The following LOC400499 variants were observed in gnomAD, a reference collection of about 807,000 sequenced individuals.
the LOC400499 span, chr16:11,387,294 TC>T: frequency 8.1e-7 from 1 of 1,232,206 alleles, no homozygotes; most frequent in Non-Finnish European, 1.0e-6. Context: ...ACTGAGCGGT[TC>T]CTGCAGGGAA....
At chr16:11,375,533 G>A in the LOC400499 span, among the ~76,000 whole-genome samples, 8 of 146,692 alleles carry the variant, frequency 5.5e-5, no homozygotes, top group Non-Finnish European at 9.0e-5. Flanking sequence ...GGCTGGTCTC[G>A]AACTCCTGAC....
the LOC400499 span, among the ~76,000 whole-genome samples, chr16:11,515,139 C>T: frequency 6.6e-6 from 1 of 152,084 alleles, no homozygotes; most frequent in Non-Finnish European, 1.5e-5. Context: ...GACATTATCT[C>T]TACTAAAATT....
At chr16:11,496,645 T>G in the LOC400499 span, among the ~76,000 whole-genome samples, 1 of 152,198 alleles carries the variant, frequency 6.6e-6, no homozygotes, top group Non-Finnish European at 1.5e-5. Context: ...ATTGGATGTG[T>G]GCATGTGCCC....
chr16:11,385,899 C>T, the LOC400499 span, among the ~76,000 whole-genome samples: 9 of 152,260 alleles, frequency 5.9e-5, no homozygotes, highest in South Asian at 4.1e-4. Context: ...CGGCCAGGCA[C>T]GGCGGCGCTA....
the LOC400499 span, among the ~76,000 whole-genome samples, chr16:11,438,529 G>A: frequency 6.6e-6 from 1 of 151,064 alleles, no homozygotes; most frequent in African/African-American, 2.4e-5. Flanking sequence ...CCAGCACCTT[G>A]GGAGGCCAAG....
At chr16:11,502,508 A>C in the LOC400499 span, among the ~76,000 whole-genome samples, 1 of 152,224 alleles carries the variant, frequency 6.6e-6, no homozygotes, top group Non-Finnish European at 1.5e-5. Flanking sequence ...GCATCTAATA[A>C]AACCCCAATA....
the LOC400499 span, among the ~76,000 whole-genome samples, chr16:11,494,315 T>TC: frequency 7.2e-6 from 1 of 138,592 alleles, no homozygotes; most frequent in Non-Finnish European, 1.5e-5. Flanking sequence ...CATTCCCCCT[T>TC]CCCCCCTTCA....
the LOC400499 span, among the ~76,000 whole-genome samples, chr16:11,492,884 G>A: frequency 6.6e-6 from 1 of 152,204 alleles, no homozygotes; most frequent in Non-Finnish European, 1.5e-5. Context: ...TCAATTTCAG[G>A]TGAAATTGTC....
the LOC400499 span, among the ~76,000 whole-genome samples, chr16:11,525,441 G>A: frequency 6.6e-6 from 1 of 151,846 alleles, no homozygotes; most frequent in East Asian, 1.9e-4. Context: ...AAATATTTTG[G>A]CACATCTAAC....
At chr16:11,376,961 A>ATT in the LOC400499 span, among the ~76,000 whole-genome samples, 1 of 144,032 alleles carries the variant, frequency 6.9e-6, no homozygotes. Context: ...TTTTTTAAAG[A>ATT]TGATGTCTCA....
chr16:11,377,690 T>C, the LOC400499 span, among the ~76,000 whole-genome samples: 6 of 152,268 alleles, frequency 3.9e-5, no homozygotes, highest in Non-Finnish European at 8.8e-5. Flanking sequence ...TTTATGATGC[T>C]GTCAAATTCT....
At chr16:11,463,198 G>A in the LOC400499 span, among the ~76,000 whole-genome samples, 1 of 152,186 alleles carries the variant, frequency 6.6e-6, no homozygotes, top group Non-Finnish European at 1.5e-5. Flanking sequence ...CTCTGGAAAA[G>A]TCATGAGCAA....
chr16:11,462,268 C>G, the LOC400499 span: 31 of 1,514,732 alleles, frequency 2.0e-5, no homozygotes, highest in East Asian at 7.2e-4. Flanking sequence ...ACCGCTCAGC[C>G]TCGCCACCCA....
the LOC400499 span, chr16:11,383,969 C>T: frequency 1.6e-6 from 2 of 1,231,722 alleles, no homozygotes; most frequent in African/African-American, 3.1e-5. Context: ...CAGGCCTGCT[C>T]CTGCTGAGGC....
At chr16:11,456,482 G>C in the LOC400499 span, among the ~76,000 whole-genome samples, 146 of 152,320 alleles carry the variant, frequency 9.6e-4, no homozygotes, top group African/African-American at 3.4e-3. Context: ...GGGGGAGAGT[G>C]GGGTGGGACA....
the LOC400499 span, among the ~76,000 whole-genome samples, chr16:11,378,251 C>CTTTTTTTTTTT: frequency 1.5e-5 from 1 of 65,220 alleles, no homozygotes; most frequent in Non-Finnish European, 3.7e-5. Flanking sequence ...CTTTTTTTTT[C>CTTTTTTTTTTT]TTTTTTTTTT....
chr16:11,416,892 G>A, the LOC400499 span, among the ~76,000 whole-genome samples: 3 of 152,240 alleles, frequency 2.0e-5, no homozygotes, highest in African/African-American at 7.2e-5. Context: ...AGGTCAGATG[G>A]GGGAAGGGTG....
the LOC400499 span, among the ~76,000 whole-genome samples, chr16:11,376,161 G>A: frequency 3.3e-5 from 5 of 152,160 alleles, no homozygotes; most frequent in Non-Finnish European, 7.4e-5. Context: ...TCTGTAGGAC[G>A]CCTTTTCACT....
chr16:11,376,479 T>G, the LOC400499 span, among the ~76,000 whole-genome samples: 5 of 152,200 alleles, frequency 3.3e-5, no homozygotes, highest in Non-Finnish European at 7.3e-5. Context: ...AGTCTTGGCA[T>G]CCTTATTGAA....
Sources: allele counts gnomAD v4.1 joint callset (sites outside exome capture counted in the v4.1 genomes callset), GRCh38; gene constraint gnomAD v4.1.1; transcripts MANE v1.5.